Variants in PRUNE1 observed in about 807,000 individuals in gnomAD.
PRUNE1 encodes prune exopolyphosphatase 1, also known as exopolyphosphatase PRUNE1.
PRUNE1 carries 25 observed loss-of-function variants against 42.5 expected under a neutral mutation model. The observed-to-expected ratio is 0.59, with a 90% CI of 0.43 to 0.82. The LOEUF is 0.82. PRUNE1 is among the 40% of genes least tolerant of loss of function. The pLI, the probability that PRUNE1 is intolerant of heterozygous loss-of-function variation, is 0.00. For synonymous variants in PRUNE1, 203 were observed against 217.1 expected (o/e 0.93, Z 0.57); for missense variants, 443 against 539.3 (o/e 0.82, Z 1.77).
At position 151,027,781 on chromosome 1, in the gene PRUNE1, TGC is replaced by T. The variant is rs1553254126; in HGVS notation, c.774+462_774+463del. 9.5e-3 allele frequency among the ~76,000 whole-genome samples: 1,358 copies of T among 142,346 alleles called. 19 individuals are homozygous for T. The highest frequency in any genetic ancestry group is 0.018 in the Middle Eastern group (5 of 272). The allele number at this position is 142,346 out of a possible 152,430, so 93.4% of individuals were successfully genotyped here. A position where few individuals can be genotyped will look rare whatever the true frequency, so the allele number is the denominator to read the frequency against. On this transcript the variant is annotated intron_variant, in intron 6 of 7. Transcript: ENST00000271620. ...GTGTGTGTGTGTGTGTGTGTGTGTG[TGC>T]GCGCGCGTGTATGTATGTGTCGATG...
intron 7 of PRUNE1, among the ~76,000 whole-genome samples, chr1:151,032,119 C>T (rs587689501): frequency 1.0e-3 from 159 of 151,866 alleles, no homozygotes; most frequent in African/African-American, 3.6e-3. Flanking sequence ...ATGGCAGGTG[C>T]CTGTAATCCC....
intron 1 of PRUNE1, among the ~76,000 whole-genome samples, chr1:151,014,632 A>G (rs151198227): frequency 1.3e-5 from 2 of 152,180 alleles, no homozygotes; most frequent in East Asian, 1.9e-4. Flanking sequence ...ATTCTTTGCT[A>G]TGTGTTACTC....
chr1:151,028,580 T>G (rs1015135857), intron 6 of PRUNE1, among the ~76,000 whole-genome samples: 1 of 152,110 alleles, frequency 6.6e-6, no homozygotes, highest in Non-Finnish European at 1.5e-5. Context: ...TATGCCCCCA[T>G]GCCCGGCTAA....
intron 3 of PRUNE1, among the ~76,000 whole-genome samples, chr1:151,024,226 A>G (rs955117832): frequency 2.0e-5 from 3 of 148,822 alleles, no homozygotes; most frequent in Non-Finnish European, 4.4e-5. Context: ...AGTTAGGCAG[A>G]GGTAAAAGTA....
intron 7 of PRUNE1, among the ~76,000 whole-genome samples, chr1:151,033,075 C>T (rs1348166559): frequency 7.9e-6 from 1 of 127,088 alleles, no homozygotes; most frequent in Non-Finnish European, 1.7e-5. Flanking sequence ...TGCCCGGCCT[C>T]AAGGATAACT....
At chr1:151,032,929 A>G (rs1021711433) in intron 7 of PRUNE1, among the ~76,000 whole-genome samples, 8 of 151,272 alleles carry the variant, frequency 5.3e-5, no homozygotes, top group African/African-American at 1.2e-4. Flanking sequence ...GTGAACCACC[A>G]TGTCTGGCTA....
In PRUNE1 at chr1:151,018,641, A is replaced by G; in HGVS notation, c.307A>G (p.Ile103Val). ...ALYQAGQLTL[I>V]LVDHHILSKS... The stretch of plus-strand genomic sequence containing the variant: ...ATACCAGGCTGGCCAACTCACCCTC[A>G]TCCTTGTCGACCATCATATCTTATC... Residue 103 changes from isoleucine to valine, a missense_variant, in exon 3 of 8, where the codon ATC becomes GTC. Coordinates refer to ENST00000271620, the MANE Select transcript of PRUNE1 (RefSeq NM_021222.3). The G allele has an allele frequency of 6.2e-7, 1 of 1,614,198 alleles. No individual in the cohort carries two copies. Among genetic ancestry groups the G allele is most frequent in the Non-Finnish European group, 8.5e-7 (1 of 1,180,022 alleles).
chr1:151,027,352 T>TG (rs1363036826), intron 6 of PRUNE1, 25 bp downstream of exon 6: 1 of 1,542,930 alleles, frequency 6.5e-7, no homozygotes, highest in African/African-American at 1.4e-5. Flanking sequence ...TGGCTGTGGG[T>TG]GGGGAGAGAA....
intron 1 of PRUNE1, among the ~76,000 whole-genome samples, chr1:151,012,860 C>T (rs1428045991): frequency 6.6e-6 from 1 of 151,626 alleles, no homozygotes; most frequent in South Asian, 2.1e-4. Context: ...CAACCTCCGC[C>T]TCCCGGGTTC....
intron 4 of PRUNE1, among the ~76,000 whole-genome samples, 176 bp from the exon 5 acceptor site, chr1:151,025,339 G>C (rs1674761648): frequency 6.6e-6 from 1 of 152,090 alleles, no homozygotes; most frequent in Non-Finnish European, 1.5e-5. Flanking sequence ...CTACATTTTA[G>C]TTTGGATTTG....
intron 1 of PRUNE1, among the ~76,000 whole-genome samples, chr1:151,016,046 G>A (rs1209010429): frequency 6.6e-6 from 1 of 152,134 alleles, no homozygotes; most frequent in African/African-American, 2.4e-5. Context: ...CGACCAGCCT[G>A]GCCAACATGG....
intron 7 of PRUNE1, 151 bp downstream of exon 7, chr1:151,029,095 C>T: frequency 2.9e-6 from 2 of 682,950 alleles, no homozygotes; most frequent in East Asian, 3.0e-5. Flanking sequence ...GGACCTGTTT[C>T]CTCCCCTTTC....
At chr1:151,010,325 C>G (rs1673697757) in intron 1 of PRUNE1, among the ~76,000 whole-genome samples, 1 of 152,184 alleles carries the variant, frequency 6.6e-6, no homozygotes, top group South Asian at 2.1e-4. Flanking sequence ...CTCAAACAAT[C>G]CCCCTGGCTT....
chr1:151,018,634 C>CA lies in PRUNE1; in HGVS notation c.301dup (p.Thr101AsnfsTer14), dbSNP rs1213395794. On this transcript the variant is annotated frameshift_variant, in exon 3 of 8. Transcript: ENST00000271620. LOFTEE classifies it high-confidence loss of function. ...ATGCATTATACCAGGCTGGCCAACT[C>CA]ACCCTCATCCTTGTCGACCATCATA... 1 of 1,614,076 alleles carries CA rather than the reference C, an allele frequency of 6.2e-7. No homozygotes were observed. The highest frequency in any genetic ancestry group is 1.3e-5 in the African/African-American group (1 of 74,930).
At position 151,028,868 on chromosome 1, in the gene PRUNE1, C is replaced by CT. The variant is rs769163717; in HGVS notation, c.858dup (p.Ile287TyrfsTer8). 6.2e-7 allele frequency: 1 copy of CT among 1,613,972 alleles called. No homozygotes were observed. The highest frequency in any genetic ancestry group is 1.7e-5 in the Admixed American group (1 of 60,004). ...AGCTATGATGTCCTGGTTGCCATGA[C>CT]TATCTTTTTCAACACTCACAATGAG... On this transcript the variant is annotated frameshift_variant, in exon 7 of 8. Transcript: ENST00000271620. LOFTEE classifies it high-confidence loss of function.
At position 151,028,887 on chromosome 1, in the gene PRUNE1, C is replaced by T. The variant is rs371233705; in HGVS notation, c.876C>T (p.His292=). ...LVAMTIFFNT[H]NEPVRQLAIF... is the part of the protein sequence containing the mutation. The stretch of plus-strand genomic sequence containing the variant: ...CCATGACTATCTTTTTCAACACTCA[C>T]AATGAGCCAGTGCGGCAGTTGGCTA... Residue 292 remains histidine, a synonymous_variant, in exon 7 of 8, where the codon CAC becomes CAT. Coordinates refer to ENST00000271620, the MANE Select transcript of PRUNE1 (RefSeq NM_021222.3). 2 of 1,613,908 alleles carry T rather than the reference C, an allele frequency of 1.2e-6. No individual in the cohort carries two copies. Among genetic ancestry groups the T allele is most frequent in the Non-Finnish European group, 1.7e-6 (2 of 1,179,796 alleles).
rs370038531 is a variant in PRUNE1 at position 151,008,579 on chromosome 1, C to T, written c.-54C>T. 397 of 1,605,370 alleles carry T rather than the reference C, an allele frequency of 2.5e-4. 4 individuals carry two copies. The highest frequency in any genetic ancestry group is 4.6e-5 in the Non-Finnish European group (54 of 1,172,210). ...TGCATTCGTCGGGGAAACCTCTCCT[C>T]GACCAGGGGCACCTCTACTCGACCA... On this transcript the variant is annotated 5_prime_UTR_variant, in exon 1 of 8. Transcript: ENST00000271620.
chr1:151,027,262 G>T lies in PRUNE1; in HGVS notation c.709G>T (p.Asp237Tyr), dbSNP rs1674904270. 1 of 1,611,284 alleles carries T rather than the reference G, an allele frequency of 6.2e-7. No individual in the cohort carries two copies. The highest frequency in any genetic ancestry group is 2.2e-5 in the East Asian group (1 of 44,832). Residue 237 changes from aspartate to tyrosine, a missense_variant, in exon 6 of 8, where the codon GAC becomes TAC. Asp to Tyr is a radical substitution (Grantham distance 160, BLOSUM62 -3). Transcript: ENST00000271620. ...GACCACTGAGCAGATGCTGAGAAAA[G>T]ACCAGAAGACTATCTATAGACAAGG... ...GLTTEQMLRK[D>Y]QKTIYRQGVK... is the part of the protein sequence containing the mutation.
chr1:151,009,433 C>T (rs1015346768), intron 1 of PRUNE1, among the ~76,000 whole-genome samples: 2 of 152,176 alleles, frequency 1.3e-5, no homozygotes, highest in African/African-American at 4.8e-5. Context: ...ATTTTTGGTG[C>T]TCTCTGACTC....
Sources: gnomAD v4.1 joint callset for allele counts (sites outside exome capture counted in the v4.1 genomes callset) on GRCh38, gnomAD v4.1.1 for gene constraint, MANE v1.5 for transcripts, NCBI Gene and HGNC (gene_info 2026-07-23, HGNC 2026-07-21) for gene names.